Variants in GLIS1 observed in about 807,000 individuals in gnomAD.
GLIS1 encodes the protein GLIS family zinc finger 1.
Under a neutral mutation model 63.8 loss-of-function variants are expected in GLIS1, and 24 were observed. The observed-to-expected ratio is 0.38, with a 90% CI of 0.27 to 0.53. The LOEUF is 0.53. Ranked by LOEUF, GLIS1 falls within the 20% of genes least tolerant of loss-of-function variation. GLIS1 has a pLI of 0.85. For synonymous variants in GLIS1, 450 were observed against 482.5 expected (o/e 0.93, Z 0.88); for missense variants, 1,036 against 1,074.1 (o/e 0.96, Z 0.50).
At chr1:53,610,126 C>T (rs1224804115) in intron 2 of GLIS1, among the ~76,000 whole-genome samples, 2 of 152,244 alleles carry the variant, frequency 1.3e-5, no homozygotes, top group Non-Finnish European at 2.9e-5. Flanking sequence ...TGCCTACACA[C>T]ACACATTCTT....
chr1:53,736,146 C>T (rs1646910695), intron 2 of GLIS1, among the ~76,000 whole-genome samples: 1 of 152,218 alleles, frequency 6.6e-6, no homozygotes, highest in Non-Finnish European at 1.5e-5. Flanking sequence ...ACCAGAGAGA[C>T]CAGCTTAAGG....
chr1:53,509,729 C>T, intron 9 of GLIS1, 120 bp downstream of exon 9: 1 of 589,564 alleles, frequency 1.7e-6, no homozygotes. Context: ...GCCCCCAGTG[C>T]CCAGCCGGTC....
intron 2 of GLIS1, among the ~76,000 whole-genome samples, chr1:53,603,803 T>A (rs909853680): frequency 6.6e-6 from 1 of 152,366 alleles, no homozygotes; most frequent in South Asian, 2.1e-4. Context: ...CTTTGGAGAC[T>A]TACAGGGTGA....
intron 4 of GLIS1, among the ~76,000 whole-genome samples, chr1:53,580,797 G>A (rs1201000732): frequency 6.6e-6 from 1 of 152,106 alleles, no homozygotes; most frequent in Admixed American, 6.5e-5. Flanking sequence ...GTTTTTGGAT[G>A]GTGGAATCAT....
chr1:53,605,291 A>G (rs1645358826), intron 2 of GLIS1, among the ~76,000 whole-genome samples: 1 of 152,114 alleles, frequency 6.6e-6, no homozygotes, highest in African/African-American at 2.4e-5. Flanking sequence ...TCACACATCC[A>G]TGATGCTTCG....
intron 2 of GLIS1, among the ~76,000 whole-genome samples, chr1:53,711,537 C>A (rs1176917709): frequency 6.6e-6 from 1 of 152,238 alleles, no homozygotes; most frequent in East Asian, 1.9e-4. Flanking sequence ...GAGAGCACAG[C>A]AGGGAGCTCG....
chr1:53,530,051 C>T, intron 4 of GLIS1, 99 bp from the exon 5 acceptor site: 3 of 1,077,032 alleles, frequency 2.8e-6, no homozygotes, highest in Non-Finnish European at 4.0e-6. Context: ...AGCACCCCTG[C>T]CCCTCCCATC....
chr1:53,695,848 T>A (rs1408780815), intron 2 of GLIS1, among the ~76,000 whole-genome samples: 2 of 152,226 alleles, frequency 1.3e-5, no homozygotes, highest in African/African-American at 4.8e-5. Flanking sequence ...AAACTCTTCA[T>A]CTGTTAAGAT....
At chr1:53,680,793 A>C (rs1015290101) in intron 2 of GLIS1, among the ~76,000 whole-genome samples, 4 of 152,276 alleles carry the variant, frequency 2.6e-5, no homozygotes, top group Admixed American at 1.3e-4. Flanking sequence ...GATTCTCCCT[A>C]CTAAGCAGCA....
At chr1:53,732,774 C>T (rs189681289) in intron 2 of GLIS1, among the ~76,000 whole-genome samples, 1 of 148,162 alleles carries the variant, frequency 6.7e-6, no homozygotes, top group Admixed American at 6.9e-5. Context: ...TTCTCTAGGT[C>T]CAAAATAATT....
chr1:53,622,448 A>AAAG (rs1553130242), intron 2 of GLIS1, among the ~76,000 whole-genome samples: 9 of 135,408 alleles, frequency 6.6e-5, no homozygotes, highest in South Asian at 2.4e-4. Context: ...AAAAAAAAAA[A>AAAG]AAGAAGAAGA....
chr1:53,732,774 C>A (rs189681289), intron 2 of GLIS1, among the ~76,000 whole-genome samples: 15 of 148,274 alleles, frequency 1.0e-4, no homozygotes, highest in African/African-American at 3.5e-4. Flanking sequence ...TTCTCTAGGT[C>A]CAAAATAATT....
intron 2 of GLIS1, among the ~76,000 whole-genome samples, chr1:53,611,651 A>C (rs1645425689): frequency 6.6e-6 from 1 of 152,002 alleles, no homozygotes; most frequent in Non-Finnish European, 1.5e-5. Flanking sequence ...GCTGGGCTTC[A>C]CTCTTTGTAC....
intron 2 of GLIS1, among the ~76,000 whole-genome samples, chr1:53,631,347 T>G (rs575825155): frequency 6.6e-6 from 1 of 152,218 alleles, no homozygotes; most frequent in Non-Finnish European, 1.5e-5. Flanking sequence ...TTCCCCCAAA[T>G]AGTTAACCAA....
chr1:53,679,324 G>T (rs1045361536), intron 2 of GLIS1, among the ~76,000 whole-genome samples: 1 of 152,200 alleles, frequency 6.6e-6, no homozygotes, highest in Non-Finnish European at 1.5e-5. Context: ...TAACTACAAG[G>T]CATTTCAAGA....
chr1:53,727,968 AACAAGAAC>A (rs1646821881), intron 2 of GLIS1, among the ~76,000 whole-genome samples: 1 of 152,194 alleles, frequency 6.6e-6, no homozygotes. Flanking sequence ...TTGCAGGAAA[AACAAGAAC>A]ATCAAACACA....
intron 4 of GLIS1, among the ~76,000 whole-genome samples, chr1:53,584,699 G>T (rs1569866787): frequency 6.6e-6 from 1 of 152,194 alleles, no homozygotes; most frequent in African/African-American, 2.4e-5. Context: ...CTCTAAAGAA[G>T]GGCCTCTTCT....
At chr1:53,727,118 T>G (rs147278024) in intron 2 of GLIS1, among the ~76,000 whole-genome samples, 1 of 152,230 alleles carries the variant, frequency 6.6e-6, no homozygotes, top group Non-Finnish European at 1.5e-5. Flanking sequence ...TAGCAGGTAA[T>G]GTAGTCAGGA....
intron 4 of GLIS1, among the ~76,000 whole-genome samples, chr1:53,555,317 T>A (rs1459792420): frequency 9.9e-5 from 15 of 152,084 alleles, no homozygotes; most frequent in Admixed American, 9.8e-4. Context: ...GATCACGAGG[T>A]CAGGAGATCG....
Sources: gnomAD v4.1 joint callset for allele counts (sites outside exome capture counted in the v4.1 genomes callset) on GRCh38, gnomAD v4.1.1 for gene constraint, MANE v1.5 for transcripts, NCBI Gene and HGNC (gene_info 2026-07-23, HGNC 2026-07-21) for gene names.